LRP1B: variants seen among roughly 807,000 people sequenced by gnomAD.
LRP1B encodes the protein LDL receptor related protein 1B.
In LRP1B, 217 loss-of-function variants were observed where a neutral mutation model predicts 556.6. The observed-to-expected ratio is 0.39, with a 90% CI of 0.35 to 0.44. The LOEUF (loss-of-function observed/expected upper bound fraction) is 0.44, where lower values mean the gene tolerates loss of function less well. LRP1B is among the 20% of genes least tolerant of loss of function. The probability of loss-of-function intolerance (pLI) is 1.00; values close to 1 mark genes in which losing one functional copy is unlikely to be tolerated. For missense variants in LRP1B, 5,053 were observed against 5,620.8 expected (o/e 0.90, Z 3.23); for synonymous variants, 2,047 against 1,865.8 (o/e 1.10, Z -2.50).
chr2:140,271,884 A>G (rs1227804763), intron 85 of LRP1B, among the ~76,000 whole-genome samples: 1 of 151,446 alleles, frequency 6.6e-6, no homozygotes, highest in Non-Finnish European at 1.5e-5. Flanking sequence ...GCCTCTTTGA[A>G]AATAATAAAG....
At chr2:140,544,322 G>T (rs1022662554) in intron 43 of LRP1B, among the ~76,000 whole-genome samples, 1 of 151,558 alleles carries the variant, frequency 6.6e-6, no homozygotes, top group African/African-American at 2.4e-5. Context: ...TATCACAGGG[G>T]TATTAACTTT....
chr2:141,599,047 C>CA (rs1687631768), intron 2 of LRP1B, among the ~76,000 whole-genome samples: 1 of 11,454 alleles, frequency 8.7e-5, no homozygotes, highest in Non-Finnish European at 1.3e-4. Flanking sequence ...TGTTCAACTC[C>CA]CCCCCGCCCC....
chr2:141,889,588 A>G (rs1222880655), intron 1 of LRP1B, among the ~76,000 whole-genome samples: 2 of 152,148 alleles, frequency 1.3e-5, no homozygotes, highest in Non-Finnish European at 2.9e-5. Flanking sequence ...TGTAGTTTGT[A>G]AGTTACTAAA....
chr2:141,122,096 T>C (rs1197421408), intron 7 of LRP1B, among the ~76,000 whole-genome samples: 1 of 152,022 alleles, frequency 6.6e-6, no homozygotes, highest in Non-Finnish European at 1.5e-5. Context: ...ATACAAAAAT[T>C]AATTCAAGAT....
chr2:141,510,462 C>A (rs1189392326), intron 2 of LRP1B, among the ~76,000 whole-genome samples: 1 of 152,042 alleles, frequency 6.6e-6, no homozygotes. Flanking sequence ...TGGATTTAGG[C>A]TGTATTTTAT....
intron 2 of LRP1B, among the ~76,000 whole-genome samples, chr2:141,584,933 A>T (rs1687084777): frequency 6.6e-6 from 1 of 151,884 alleles, no homozygotes; most frequent in Admixed American, 6.6e-5. Context: ...ATGGGTACAG[A>T]GTTTCAGTTT....
intron 1 of LRP1B, among the ~76,000 whole-genome samples, chr2:141,929,415 C>A (rs1192351453): frequency 1.3e-5 from 2 of 151,960 alleles, no homozygotes; most frequent in African/African-American, 4.8e-5. Flanking sequence ...TTTGATGTTA[C>A]AGTGGAGAAG....
At chr2:141,986,056 G>T (rs1294597153) in intron 1 of LRP1B, among the ~76,000 whole-genome samples, 2 of 151,814 alleles carry the variant, frequency 1.3e-5, no homozygotes, top group African/African-American at 4.8e-5. Context: ...AGTAATATGG[G>T]CTTCTTTCTC....
intron 84 of LRP1B, among the ~76,000 whole-genome samples, chr2:140,287,296 G>T (rs1367291004): frequency 6.6e-6 from 1 of 151,712 alleles, no homozygotes; most frequent in African/African-American, 2.4e-5. Context: ...CTAATGTAAG[G>T]AGCAATGAAA....
intron 2 of LRP1B, among the ~76,000 whole-genome samples, chr2:141,634,790 A>T (rs1265898320): frequency 6.6e-6 from 1 of 151,942 alleles, no homozygotes; most frequent in Non-Finnish European, 1.5e-5. Context: ...AATTGTGGTG[A>T]CCCATTTCAG....
At chr2:141,478,064 C>A (rs1682777730) in intron 3 of LRP1B, among the ~76,000 whole-genome samples, 1 of 152,038 alleles carries the variant, frequency 6.6e-6, no homozygotes, top group Non-Finnish European at 1.5e-5. Flanking sequence ...TAAACAACTA[C>A]ATACTAGAAA....
intron 32 of LRP1B, among the ~76,000 whole-genome samples, chr2:140,812,535 T>A (rs1195709920): frequency 6.6e-6 from 1 of 151,872 alleles, no homozygotes; most frequent in African/African-American, 2.4e-5. Flanking sequence ...TCTGTCTCAA[T>A]TAACAACTGT....
chr2:141,560,581 TTC>T (rs1265792187), intron 2 of LRP1B, among the ~76,000 whole-genome samples: 1 of 144,832 alleles, frequency 6.9e-6, no homozygotes, highest in Admixed American at 6.9e-5. Context: ...AATTCTGAAA[TTC>T]TGTTTATGTT....
At chr2:141,795,598 T>C (rs560464154) in intron 2 of LRP1B, among the ~76,000 whole-genome samples, 1 of 151,940 alleles carries the variant, frequency 6.6e-6, no homozygotes, top group African/African-American at 2.4e-5. Flanking sequence ...TAAAACTATA[T>C]TACTGGGTGG....
chr2:140,720,842 C>T (rs1467459546), intron 35 of LRP1B, among the ~76,000 whole-genome samples: 3 of 151,758 alleles, frequency 2.0e-5, no homozygotes, highest in African/African-American at 7.3e-5. Context: ...AAAAATATGC[C>T]AGGTAAAATA....
At chr2:141,661,833 C>G (rs184960341) in intron 2 of LRP1B, among the ~76,000 whole-genome samples, 2 of 152,050 alleles carry the variant, frequency 1.3e-5, no homozygotes, top group African/African-American at 4.8e-5. Context: ...CCAGAGAACC[C>G]CAGTAAGAAA....
At chr2:141,181,015 C>T (rs1680966514) in intron 7 of LRP1B, among the ~76,000 whole-genome samples, 1 of 151,910 alleles carries the variant, frequency 6.6e-6, no homozygotes, top group Non-Finnish European at 1.5e-5. Context: ...TAACATTAGC[C>T]TGGCCCCAAC....
chr2:140,983,302 G>C (rs1002755354), intron 17 of LRP1B, among the ~76,000 whole-genome samples: 1 of 152,068 alleles, frequency 6.6e-6, no homozygotes, highest in African/African-American at 2.4e-5. Context: ...ACTCAGTCCT[G>C]TGAAAATTGT....
intron 60 of LRP1B, among the ~76,000 whole-genome samples, chr2:140,468,526 T>C (rs887046453): frequency 4.6e-5 from 7 of 152,090 alleles, no homozygotes; most frequent in Non-Finnish European, 8.8e-5. Context: ...AACTTCAGAC[T>C]GCTAGAGCCA....
Sources: gnomAD v4.1 joint callset for allele counts (sites outside exome capture counted in the v4.1 genomes callset) on GRCh38, gnomAD v4.1.1 for gene constraint, MANE v1.5 for transcripts, NCBI Gene and HGNC (gene_info 2026-07-23, HGNC 2026-07-21) for gene names.